MALRD1: variants seen among roughly 807,000 people sequenced by gnomAD.
The protein encoded by MALRD1 is MAM and LDL receptor class A domain containing 1.
MALRD1 carries 247 observed loss-of-function variants against 242.1 expected under a neutral mutation model. The ratio of observed to expected loss-of-function variants is 1.02; its 90% CI spans 0.92 to 1.13. The LOEUF is 1.13. Ranked by LOEUF, MALRD1 falls within the 50% of genes most tolerant of loss-of-function variation. The pLI is 0.00. For synonymous variants in MALRD1, 995 were observed against 866.6 expected (o/e 1.15, Z -2.60); for missense variants, 2,989 against 2,533.1 (o/e 1.18, Z -3.86).
chr10:19,100,915 G>T (rs1836227427), intron 4 of MALRD1, among the ~76,000 whole-genome samples: 1 of 152,010 alleles, frequency 6.6e-6, no homozygotes, highest in Non-Finnish European at 1.5e-5. Context: ...AACAGCTAGG[G>T]ACTATCTCTA....
At chr10:19,466,767 A>T (rs1157137667) in intron 29 of MALRD1, among the ~76,000 whole-genome samples, 1 of 152,154 alleles carries the variant, frequency 6.6e-6, no homozygotes, top group Non-Finnish European at 1.5e-5. Context: ...TGGGGTCCAG[A>T]TCCAAACACA....
chr10:19,722,667 C>T (rs886242108), intron 38 of MALRD1: 2 of 147,028 alleles, frequency 1.4e-5, no homozygotes, highest in Non-Finnish European at 3.0e-5. Context: ...TTTGACACCT[C>T]CTTATTGTTC....
At chr10:19,549,110 T>C (rs1835372211) in intron 32 of MALRD1, among the ~76,000 whole-genome samples, 1 of 152,120 alleles carries the variant, frequency 6.6e-6, no homozygotes, top group Non-Finnish European at 1.5e-5. Context: ...CAAAGCCTAA[T>C]CCAGAGCAAG....
At chr10:19,325,008 T>C (rs1414734942) in intron 22 of MALRD1, among the ~76,000 whole-genome samples, 4 of 52,624 alleles carry the variant, frequency 7.6e-5, no homozygotes, top group African/African-American at 1.9e-4. Flanking sequence ...AGTAGTTGCT[T>C]TTTTTTTTTT....
Position 19,708,778 on chromosome 10 carries a change from C to T in MALRD1, c.6314+16224C>T, listed in dbSNP as rs1330065630. Among the ~76,000 whole-genome samples, 3 of 123,082 alleles carry T rather than the reference C, an allele frequency of 2.4e-5. 1 individual carries two copies. Among genetic ancestry groups the T allele is most frequent in the Non-Finnish European group, 5.6e-5 (3 of 53,486 alleles). The allele number at this position is 123,082 out of a possible 152,430, so 80.7% of individuals were successfully genotyped here. ...CCAGGTTCAAGCGATTCTCCTGCCT[C>T]AGCCTCCCGAGTACCTGGGACTACA... is the stretch of plus-strand genomic sequence containing the variant. On this transcript the variant is annotated intron_variant, in intron 38 of 39. Coordinates refer to ENST00000454679, the MANE Select transcript of MALRD1 (RefSeq NM_001142308.3).
chr10:19,730,088 A>C (rs1564575538), intron 38 of MALRD1, among the ~76,000 whole-genome samples: 1 of 152,122 alleles, frequency 6.6e-6, no homozygotes, highest in Non-Finnish European at 1.5e-5. Flanking sequence ...AATCATATGG[A>C]GCCCAGTTAA....
At chr10:19,324,460 C>T (rs192175805) in intron 22 of MALRD1, among the ~76,000 whole-genome samples, 39 of 152,100 alleles carry the variant, frequency 2.6e-4, no homozygotes, top group Non-Finnish European at 5.1e-4. Flanking sequence ...TTCTTGTTGC[C>T]TTTGATGGTA....
intron 28 of MALRD1, among the ~76,000 whole-genome samples, chr10:19,436,933 A>G (rs183380814): frequency 2.5e-4 from 38 of 152,050 alleles, no homozygotes; most frequent in African/African-American, 8.4e-4. Context: ...ATCTTCCCAT[A>G]CTCCTGGACC....
intron 36 of MALRD1, among the ~76,000 whole-genome samples, chr10:19,668,390 A>G (rs548140080): frequency 1.1e-4 from 16 of 152,232 alleles, no homozygotes; most frequent in African/African-American, 3.6e-4. Flanking sequence ...GAGGTTGGTG[A>G]CCTAAAACAT....
At chr10:19,309,107 T>A (rs1588888992) in intron 21 of MALRD1, among the ~76,000 whole-genome samples, 2 of 151,610 alleles carry the variant, frequency 1.3e-5, no homozygotes, top group East Asian at 3.9e-4. Flanking sequence ...CATTGTTCTG[T>A]CATTGTTAAA....
intron 4 of MALRD1, among the ~76,000 whole-genome samples, chr10:19,097,340 C>T (rs986881599): frequency 2.0e-5 from 3 of 151,864 alleles, no homozygotes; most frequent in Non-Finnish European, 2.9e-5. Flanking sequence ...GAATACATAG[C>T]GGAAAAAAAA....
At chr10:19,642,219 T>G (rs1462174962) in intron 36 of MALRD1, among the ~76,000 whole-genome samples, 1 of 152,116 alleles carries the variant, frequency 6.6e-6, no homozygotes, top group Non-Finnish European at 1.5e-5. Context: ...TTCCAGAAAA[T>G]CTAATGAATC....
chr10:19,436,176 G>C (rs1277623400), intron 28 of MALRD1, among the ~76,000 whole-genome samples: 1 of 152,096 alleles, frequency 6.6e-6, no homozygotes, highest in Non-Finnish European at 1.5e-5. Context: ...AAAGACCACT[G>C]GTGCTTTTGT....
intron 36 of MALRD1, among the ~76,000 whole-genome samples, chr10:19,626,636 G>C (rs140896624): frequency 1.3e-5 from 2 of 151,370 alleles, no homozygotes; most frequent in African/African-American, 4.9e-5. Context: ...AATATATAGA[G>C]GCCTATACTG....
At chr10:19,563,514 A>T (rs747640716) in intron 32 of MALRD1, among the ~76,000 whole-genome samples, 5 of 152,194 alleles carry the variant, frequency 3.3e-5, no homozygotes, top group Admixed American at 6.5e-5. Flanking sequence ...AAGAAATGTC[A>T]TATTGTCCTC....
intron 28 of MALRD1, among the ~76,000 whole-genome samples, chr10:19,422,383 A>G (rs1833747089): frequency 6.6e-6 from 1 of 152,362 alleles, no homozygotes; most frequent in South Asian, 2.1e-4. Flanking sequence ...TGTCACATAT[A>G]GAGAGTAAAC....
chr10:19,166,105 T>C (rs1834675514), intron 13 of MALRD1, among the ~76,000 whole-genome samples: 2 of 152,294 alleles, frequency 1.3e-5, no homozygotes, highest in South Asian at 2.1e-4. Flanking sequence ...TGTAGAATAG[T>C]AGCAAAAATG....
Position 19,152,622 on chromosome 10 carries a change from A to T in MALRD1, c.1559-2453A>T, listed in dbSNP as rs886712355. On this transcript the variant is annotated intron_variant, in intron 11 of 39. Transcript: ENST00000454679. ...GTTGGACATTTCTTGCTGTTTATGTATCTGGAAACTTACTGCTAAGATAAG... is the reference window on the plus strand; with the variant it reads ...GTTGGACATTTCTTGCTGTTTATGTTTCTGGAAACTTACTGCTAAGATAAG... Among the ~76,000 whole-genome samples, 3 of 152,114 alleles carry T rather than the reference A, an allele frequency of 2.0e-5. No homozygotes were observed. The South Asian group carries it at 6.2e-4, about 31-fold the overall frequency.
At chr10:19,176,366 C>CTTTTTTTTT (rs11443184) in intron 14 of MALRD1, among the ~76,000 whole-genome samples, 3,222 of 87,102 alleles carry the variant, frequency 0.037, 439 homozygotes, top group East Asian at 0.094. Flanking sequence ...TTTCTGGGTG[C>CTTTTTTTTT]TTTTTTTTTT....
Sources: gnomAD v4.1 joint callset for allele counts (sites outside exome capture counted in the v4.1 genomes callset) on GRCh38, gnomAD v4.1.1 for gene constraint, MANE v1.5 for transcripts, NCBI Gene and HGNC (gene_info 2026-07-23, HGNC 2026-07-21) for gene names.